ALMS1: variants seen among roughly 807,000 people sequenced by gnomAD.
ALMS1 encodes the protein centrosome-associated protein ALMS1.
In ALMS1, 271 loss-of-function variants were observed where a neutral mutation model predicts 352.2. The observed-to-expected ratio is 0.77, with a 90% CI of 0.70 to 0.85. The LOEUF (loss-of-function observed/expected upper bound fraction) is 0.85. Ranked by LOEUF, ALMS1 falls within the 40% of genes least tolerant of loss-of-function variation. ALMS1 has a pLI of 0.00. For synonymous variants in ALMS1, 1,865 were observed against 1,761.2 expected (o/e 1.06, Z -1.48); for missense variants, 5,445 against 4,870.7 (o/e 1.12, Z -3.51).
At chr2:73,425,213 G>A (rs1350422836) in intron 5 of ALMS1, among the ~76,000 whole-genome samples, 1 of 152,166 alleles carries the variant, frequency 6.6e-6, no homozygotes, top group Admixed American at 6.5e-5. Flanking sequence ...CTCCAGCTGA[G>A]ATTGAGGTGA....
intron 7 of ALMS1, among the ~76,000 whole-genome samples, chr2:73,441,650 C>T (rs893712216): frequency 2.9e-5 from 4 of 138,512 alleles, no homozygotes; most frequent in African/African-American, 9.3e-5. Context: ...CTTAGTTCCA[C>T]ACTGCAGGCC....
chr2:73,401,056 G>C (rs1670863792), intron 1 of ALMS1, among the ~76,000 whole-genome samples: 1 of 152,170 alleles, frequency 6.6e-6, no homozygotes, highest in African/African-American at 2.4e-5. Flanking sequence ...CAAAGTGCTG[G>C]GATAACAAGA....
chr2:73,579,833 TA>T (rs1675135741), intron 16 of ALMS1, among the ~76,000 whole-genome samples: 1 of 152,214 alleles, frequency 6.6e-6, no homozygotes, highest in African/African-American at 2.4e-5. Flanking sequence ...ACATTTTCAT[TA>T]TAACATGTCT....
intron 9 of ALMS1, among the ~76,000 whole-genome samples, chr2:73,476,937 G>A (rs1180748941): frequency 6.6e-6 from 1 of 152,072 alleles, no homozygotes; most frequent in East Asian, 1.9e-4. Context: ...GATAAAACAA[G>A]AGTTAAGTTC....
chr2:73,500,089 T>A (rs528809682), intron 10 of ALMS1, among the ~76,000 whole-genome samples: 100 of 152,308 alleles, frequency 6.6e-4, no homozygotes, highest in South Asian at 4.2e-3. Context: ...AAGACACCAT[T>A]TGAGCTGAGA....
At chr2:73,561,613 G>A (rs1674664313) in intron 15 of ALMS1, among the ~76,000 whole-genome samples, 1 of 149,638 alleles carries the variant, frequency 6.7e-6, no homozygotes, top group Admixed American at 6.6e-5. Flanking sequence ...TAGGTGTAGG[G>A]TTTCAGTGTT....
chr2:73,386,826 C>A (rs1390523768), intron 1 of ALMS1, among the ~76,000 whole-genome samples: 1 of 152,090 alleles, frequency 6.6e-6, no homozygotes, highest in African/African-American at 2.4e-5. Flanking sequence ...CATGGTAGAC[C>A]CCCGAAGATC....
intron 1 of ALMS1, among the ~76,000 whole-genome samples, chr2:73,390,209 C>G (rs1230162360): frequency 6.6e-6 from 1 of 152,132 alleles, no homozygotes; most frequent in Non-Finnish European, 1.5e-5. Context: ...CTTTAGTTCA[C>G]TGGCATATTG....
At position 73,389,841 on chromosome 2, in the gene ALMS1, C is replaced by G. The variant is rs1212346723; in HGVS notation, c.324+3649C>G. 2.6e-5 allele frequency among the ~76,000 whole-genome samples: 4 copies of G among 152,074 alleles called. No homozygotes were observed. In the East Asian group the frequency reaches 7.7e-4, roughly 29 times the overall value. On this transcript the variant is annotated intron_variant, in intron 1 of 22. Coordinates refer to ENST00000613296, the MANE Select transcript of ALMS1 (RefSeq NM_001378454.1). ...AGTAGCTGGGATTACAGGTATCCAC[C>G]ACCACGCCTGGCTAATTTTTGTAGT... is the stretch of plus-strand genomic sequence containing the variant.
chr2:73,422,993 A>AAGTAACCTTTCTCACTTCT lies in ALMS1; in HGVS notation c.764+19_764+20insAGTAACCTTTCTCACTTCT. 6.3e-7 allele frequency: 1 copy of AAGTAACCTTTCTCACTTCT among 1,575,072 alleles called. No individual in the cohort carries two copies. Among genetic ancestry groups the AAGTAACCTTTCTCACTTCT allele is most frequent in the Non-Finnish European group, 8.7e-7 (1 of 1,144,874 alleles). ...CTCTGAGGTAGGATGATTTATTTGC[A>AAGTAACCTTTCTCACTTCT]TGTAACCTTTCTCACTTCTTGTTCT... is the stretch of plus-strand genomic sequence containing the variant. On this transcript the variant is annotated intron_variant, in intron 4 of 22. Transcript: ENST00000613296.
chr2:73,392,511 C>T (rs1670671341), intron 1 of ALMS1, among the ~76,000 whole-genome samples: 1 of 151,976 alleles, frequency 6.6e-6, no homozygotes, highest in African/African-American at 2.4e-5. Flanking sequence ...AGCTGATATC[C>T]CCCGTCTTCC....
At chr2:73,469,274 A>T (rs1672420150) in intron 9 of ALMS1, among the ~76,000 whole-genome samples, 1 of 152,114 alleles carries the variant, frequency 6.6e-6, no homozygotes, top group East Asian at 1.9e-4. Context: ...AAATTATAAA[A>T]TAAAATCTAT....
At chr2:73,473,401 A>G (rs1394909899) in intron 9 of ALMS1, among the ~76,000 whole-genome samples, 2 of 152,094 alleles carry the variant, frequency 1.3e-5, no homozygotes, top group African/African-American at 4.8e-5. Context: ...AATAGTCACT[A>G]AACAACACTT....
chr2:73,386,550 G>A (rs1395111380), intron 1 of ALMS1, among the ~76,000 whole-genome samples: 1 of 152,080 alleles, frequency 6.6e-6, no homozygotes, highest in Admixed American at 6.5e-5. Flanking sequence ...TGCCTGGGGA[G>A]CATCTTGTTG....
At chr2:73,425,795 C>T (rs1387852554) in intron 5 of ALMS1, among the ~76,000 whole-genome samples, 1 of 152,194 alleles carries the variant, frequency 6.6e-6, no homozygotes, top group South Asian at 2.1e-4. Context: ...TTTGAACCAG[C>T]AGCTTCAAAA....
At chr2:73,604,256 A>C (rs748564264) in intron 21 of ALMS1, among the ~76,000 whole-genome samples, 1 of 152,176 alleles carries the variant, frequency 6.6e-6, no homozygotes, top group African/African-American at 2.4e-5. Context: ...TTGAGTGTTG[A>C]ATGTGGTGGT....
At chr2:73,481,388 G>A (rs1294469378) in intron 9 of ALMS1, among the ~76,000 whole-genome samples, 1 of 152,120 alleles carries the variant, frequency 6.6e-6, no homozygotes, top group Non-Finnish European at 1.5e-5. Context: ...GATAGTTGTA[G>A]ATATGCTGCA....
intron 9 of ALMS1, among the ~76,000 whole-genome samples, chr2:73,462,410 A>G (rs971009108): frequency 1.3e-5 from 2 of 152,200 alleles, no homozygotes; most frequent in African/African-American, 4.8e-5. Flanking sequence ...AAATGCTGAG[A>G]GATTTTGTCA....
At chr2:73,540,349 T>G (rs1674144720) in intron 12 of ALMS1, among the ~76,000 whole-genome samples, 1 of 152,118 alleles carries the variant, frequency 6.6e-6, no homozygotes, top group African/African-American at 2.4e-5. Context: ...AGGCCTGCCC[T>G]AAAAGAGCTC....
Sources: allele counts gnomAD v4.1 joint callset (sites outside exome capture counted in the v4.1 genomes callset), GRCh38; gene constraint gnomAD v4.1.1; transcripts MANE v1.5; gene names NCBI Gene and HGNC (gene_info 2026-07-23, HGNC 2026-07-21).